CTDSPL: variants seen among roughly 807,000 people sequenced by gnomAD.
CTDSPL encodes CTD small phosphatase-like protein.
Under a neutral mutation model 30.5 loss-of-function variants are expected in CTDSPL, and 8 were observed. The ratio of observed to expected loss-of-function variants is 0.26; its 90% CI spans 0.15 to 0.47. CTDSPL has a LOEUF of 0.47. CTDSPL is among the 20% of genes least tolerant of loss of function. The pLI is 0.99. For missense variants in CTDSPL, 248 were observed against 366.1 expected, an observed-to-expected ratio of 0.68 and a Z score of 2.63; for synonymous variants, 110 against 137.9, an observed-to-expected ratio of 0.80 and a Z score of 1.42.
intron 1 of CTDSPL, among the ~76,000 whole-genome samples, chr3:37,887,766 A>C (rs1273453548): frequency 6.6e-6 from 1 of 152,208 alleles, no homozygotes; most frequent in African/African-American, 2.4e-5. Context: ...TGCAGTTATC[A>C]GTCTAAAAGT....
At chr3:37,915,678 C>T (rs1169748669) in intron 1 of CTDSPL, among the ~76,000 whole-genome samples, 1 of 151,954 alleles carries the variant, frequency 6.6e-6, no homozygotes, top group Non-Finnish European at 1.5e-5. Flanking sequence ...TATCTTTTAC[C>T]TCTTTGGACT....
At chr3:37,944,624 A>T (rs1699014732) in intron 1 of CTDSPL, 1 of 150,262 alleles carries the variant, frequency 6.7e-6, no homozygotes, top group African/African-American at 2.4e-5. Context: ...CACTTCTCCT[A>T]TTCTGAGAGT....
chr3:37,948,475 C>T (rs1699068505), intron 2 of CTDSPL, among the ~76,000 whole-genome samples: 1 of 152,152 alleles, frequency 6.6e-6, no homozygotes, highest in Non-Finnish European at 1.5e-5. Context: ...AGTCATAAAA[C>T]TTTATGTTCC....
intron 1 of CTDSPL, among the ~76,000 whole-genome samples, chr3:37,879,082 CA>C (rs2125591399): frequency 1.3e-5 from 2 of 152,166 alleles, no homozygotes; most frequent in South Asian, 4.2e-4. Flanking sequence ...TTACACTACC[CA>C]AAACAAAAGG....
At chr3:37,919,241 A>G (rs1698686478) in intron 1 of CTDSPL, among the ~76,000 whole-genome samples, 1 of 152,220 alleles carries the variant, frequency 6.6e-6, no homozygotes, top group African/African-American at 2.4e-5. Context: ...GCTTCATCAT[A>G]GACTCCTGGA....
chr3:37,911,875 A>G (rs998989887), intron 1 of CTDSPL: 6 of 335,216 alleles, frequency 1.8e-5, no homozygotes, highest in African/African-American at 1.3e-4. Flanking sequence ...CCTGGGCAAC[A>G]TGGTGAAAGC....
intron 1 of CTDSPL, among the ~76,000 whole-genome samples, chr3:37,923,677 G>T (rs930607557): frequency 1.3e-5 from 2 of 152,052 alleles, no homozygotes; most frequent in African/African-American, 4.8e-5. Flanking sequence ...AATTCAAATT[G>T]TACAGCTAAA....
At chr3:37,864,071 G>A (rs1208482569) in intron 1 of CTDSPL, among the ~76,000 whole-genome samples, 1 of 152,188 alleles carries the variant, frequency 6.6e-6, no homozygotes, top group East Asian at 1.9e-4. Context: ...CCCTCAGGGA[G>A]CGTTTGGTTG....
At chr3:37,980,369 G>T (rs1699475856) in intron 7 of CTDSPL, among the ~76,000 whole-genome samples, 1 of 152,202 alleles carries the variant, frequency 6.6e-6, no homozygotes, top group Non-Finnish European at 1.5e-5. Flanking sequence ...GTAAGCTCTG[G>T]CTCCAAGTGT....
At chr3:37,866,558 TAATTTGAGGG>T (rs1185024334) in intron 1 of CTDSPL, among the ~76,000 whole-genome samples, 1 of 152,154 alleles carries the variant, frequency 6.6e-6, no homozygotes, top group East Asian at 1.9e-4. Flanking sequence ...GGGAAAGAAA[TAATTTGAGGG>T]AATTGAACAA....
At chr3:37,979,625 G>A (rs1046223415) in intron 7 of CTDSPL, among the ~76,000 whole-genome samples, 3 of 152,092 alleles carry the variant, frequency 2.0e-5, no homozygotes, top group Non-Finnish European at 2.9e-5. Flanking sequence ...TTAGCCAAGC[G>A]TGGTGCCACA....
At chr3:37,925,454 G>A (rs7652755) in intron 1 of CTDSPL, among the ~76,000 whole-genome samples, 41,803 of 151,984 alleles carry the variant, frequency 0.28, 7,454 homozygotes, top group African/African-American at 0.5. Context: ...TTCTCCTCCC[G>A]CTGGGGCTTG....
intron 1 of CTDSPL, among the ~76,000 whole-genome samples, chr3:37,914,482 C>T (rs1220576743): frequency 6.6e-6 from 1 of 152,068 alleles, no homozygotes; most frequent in Non-Finnish European, 1.5e-5. Flanking sequence ...TTGTAAATAC[C>T]ATATCAGATT....
At chr3:37,872,635 T>C (rs1331097701) in intron 1 of CTDSPL, among the ~76,000 whole-genome samples, 2 of 144,122 alleles carry the variant, frequency 1.4e-5, no homozygotes, top group Admixed American at 1.5e-4. Flanking sequence ...AGTGAAGTGG[T>C]GCAATCTCAG....
Position 37,894,321 on chromosome 3 carries a change from G to A in CTDSPL, c.79+32043G>A, listed in dbSNP as rs376384164. Among the ~76,000 whole-genome samples, 550 of 151,680 alleles carry A rather than the reference G, an allele frequency of 3.6e-3. 2 individuals are homozygous for A. Among genetic ancestry groups the A allele is most frequent in the Non-Finnish European group, 3.8e-3 (255 of 67,916 alleles). On this transcript the variant is annotated intron_variant, in intron 1 of 7. Coordinates refer to ENST00000273179, the MANE Select transcript of CTDSPL (RefSeq NM_001008392.2). ...AGAGTCTCGCTATATTGCCCAGGCC[G>A]ATCTCAAACTCTTAGCCTCAAGCAA...
chr3:37,972,375 C>T (rs149703253), intron 6 of CTDSPL, among the ~76,000 whole-genome samples: 3,614 of 152,128 alleles, frequency 0.024, 57 homozygotes, highest in Non-Finnish European at 0.034. Context: ...ATCTGTAATC[C>T]CAGCTACTCG....
intron 1 of CTDSPL, among the ~76,000 whole-genome samples, chr3:37,916,547 T>C (rs928912140): frequency 6.6e-6 from 1 of 151,916 alleles, no homozygotes; most frequent in African/African-American, 2.4e-5. Flanking sequence ...CAGACACACA[T>C]AGGGAGAAGA....
chr3:37,910,485 A>T (rs927526098), intron 1 of CTDSPL, among the ~76,000 whole-genome samples: 13 of 152,158 alleles, frequency 8.5e-5, no homozygotes, highest in African/African-American at 3.1e-4. Context: ...CTATCTCAGA[A>T]CAACAACAAC....
Position 37,980,726 on chromosome 3 carries a change from A to C in CTDSPL, c.706-16A>C, listed in dbSNP as rs774347609. The C allele has an allele frequency of 2.5e-6, 4 of 1,613,982 alleles. No individual in the cohort carries two copies. The Admixed American group carries it at 6.7e-5, about 27-fold the overall frequency. ...TAGATGCAGTCCTGCTGCCTCCTCCATGCACTGTCTTCCAGGTGCCTGTGC... is the reference window on the plus strand; with the variant it reads ...TAGATGCAGTCCTGCTGCCTCCTCCCTGCACTGTCTTCCAGGTGCCTGTGC... On this transcript the variant is annotated splice_polypyrimidine_tract_variant and intron_variant, in intron 7 of 7. Coordinates refer to ENST00000273179, the MANE Select transcript of CTDSPL (RefSeq NM_001008392.2).
Sources: allele counts gnomAD v4.1 joint callset (sites outside exome capture counted in the v4.1 genomes callset), GRCh38; gene constraint gnomAD v4.1.1; transcripts MANE v1.5; gene names NCBI Gene and HGNC (gene_info 2026-07-23, HGNC 2026-07-21).